Variants in ADAT3 observed in about 807,000 individuals in gnomAD.
The protein encoded by ADAT3 is tRNA-specific adenosine-34 deaminase regulatory subunit ADAT3.
ADAT3 carries 2 observed loss-of-function variants against 3.5 expected under a neutral mutation model. The observed-to-expected ratio is 0.57, with a 90% CI of 0.23 to 1.79. ADAT3 has a LOEUF of 1.79. Among genes scored for constraint, ADAT3 ranks in the 40% most tolerant of loss-of-function variants. ADAT3 has a pLI of 0.18. For missense variants in ADAT3, 735 were observed against 571.4 expected (o/e 1.29, Z -2.92); for synonymous variants, 358 against 270.3 (o/e 1.32, Z -3.18).
In ADAT3 at chr19:1,913,232, C is replaced by T. The variant is rs1019498543; in HGVS notation, c.*81C>T. The T allele has an allele frequency of 6.9e-6, 10 of 1,447,420 alleles. No individual in the cohort carries two copies. Among genetic ancestry groups the T allele is most frequent in the African/African-American group, 2.9e-5 (2 of 69,722 alleles). 89.7% of individuals were successfully genotyped at this position (1,447,420 alleles called of 1,614,324 possible). A position where few individuals can be genotyped will look rare whatever the true frequency, so the allele number is the denominator to read the frequency against. ...TGGACTTCCGGGCCTCGATTTCTTCCGCACAAGCCTGACCGTGGATTTCAG... is the reference window on the plus strand; with the variant it reads ...TGGACTTCCGGGCCTCGATTTCTTCTGCACAAGCCTGACCGTGGATTTCAG... On this transcript the variant is annotated 3_prime_UTR_variant, in exon 2 of 2. Coordinates refer to ENST00000329478, the MANE Select transcript of ADAT3 (RefSeq NM_138422.4).
Position 1,912,339 on chromosome 19 carries a change from C to G in ADAT3, c.292C>G (p.Arg98Gly), listed in dbSNP as rs774805201. 1.6e-4 allele frequency: 245 copies of G among 1,534,780 alleles called. 1 individual carries two copies. The highest frequency in any genetic ancestry group is 2.0e-4 in the Non-Finnish European group (233 of 1,148,612). The change falls in exon 2 of 2, where the codon CGC (arginine) becomes GGC (glycine). Residue 98 changes from arginine to glycine, a missense_variant. Transcript: ENST00000329478. The stretch of plus-strand genomic sequence containing the variant: ...TCACCTCAAGCGGGTGCGGCCCAGC[C>G]GCGATGCCGGCAGCCCCCACGCCCT... ...QPHLKRVRPS[R>G]DAGSPHALEM...
chr19:1,912,944 C>T lies in ADAT3; in HGVS notation c.897C>T (p.Asp299=), dbSNP rs757728126. The T allele has an allele frequency of 1.2e-6, 2 of 1,610,434 alleles. No homozygotes were observed. The highest frequency in any genetic ancestry group is 4.5e-5 in the East Asian group (2 of 44,840). The change falls in exon 2 of 2, where the codon GAC becomes GAT. Residue 299 remains aspartate (D), a synonymous_variant. Transcript: ENST00000329478. The part of the protein sequence containing the change: ...DGLPYLCTGY[D]LYVTREPCAM... ...TCCCCTACCTGTGCACTGGCTACGA[C>T]CTGTACGTGACCCGCGAGCCCTGCG...
chr19:1,905,552 A>C, intron 1 of ADAT3, 113 bp downstream of exon 1: 1 of 310,348 alleles, frequency 3.2e-6, no homozygotes. Context: ...GTTTGTGGGG[A>C]GAAAACGGGG....
At chr19:1,907,755 G>T (rs1206154529) in intron 1 of ADAT3, among the ~76,000 whole-genome samples, 1 of 152,182 alleles carries the variant, frequency 6.6e-6, no homozygotes, top group Non-Finnish European at 1.5e-5. Flanking sequence ...AGGGGTCCCA[G>T]TGGTCGGTCG....
At chr19:1,909,900 G>C (rs1364604468) in intron 1 of ADAT3, among the ~76,000 whole-genome samples, 1 of 152,238 alleles carries the variant, frequency 6.6e-6, no homozygotes, top group Non-Finnish European at 1.5e-5. Flanking sequence ...CGGGGCTTAC[G>C]TTTCGTGGCT....
rs1169526352 is a variant in ADAT3, at chr19:1,905,445, C to T, written c.-159+6C>T. The T allele has an allele frequency of 6.5e-6, 3 of 460,920 alleles. No individual in the cohort carries two copies. The highest frequency in any genetic ancestry group is 1.6e-5 in the South Asian group (1 of 63,010). The allele number at this position is 460,920 out of a possible 1,614,324, so 28.6% of individuals were successfully genotyped here. A position where few individuals can be genotyped will look rare whatever the true frequency, so the allele number is the denominator to read the frequency against. On this transcript the variant is annotated splice_donor_region_variant and intron_variant, in intron 1 of 1. Transcript: ENST00000329478. Reference sequence around the variant, plus strand: ...CTCGCGCCCGGATCCCTCAGGTAAGCGCGCGGCCCCGAGGTCTCGGGTTCT... The same window carrying T: ...CTCGCGCCCGGATCCCTCAGGTAAGTGCGCGGCCCCGAGGTCTCGGGTTCT...
In ADAT3 at chr19:1,905,616, GGCGGCGCGAATGCGCGTGCGCGCGCGCGC is replaced by G. The variant is rs535899941; in HGVS notation, c.-159+185_-159+213del. 9.2e-4 allele frequency: 151 copies of G among 164,854 alleles called. 1 individual carries two copies. The highest frequency in any genetic ancestry group is 3.6e-3 in the African/African-American group (148 of 41,336). 10.2% of individuals were successfully genotyped at this position (164,854 alleles called of 1,614,324 possible). On this transcript the variant is annotated intron_variant, in intron 1 of 1. Transcript: ENST00000329478. ...GGCGGGCCGGTGGGCGACGCGGGGA[GGCGGCGCGAATGCGCGTGCGCGCGCGCGC>G]GCGGCGCTGGCCTGGGGGAAGCCTC...
intron 1 of ADAT3, among the ~76,000 whole-genome samples, chr19:1,910,016 G>A (rs1800828587): frequency 2.0e-5 from 3 of 152,212 alleles, no homozygotes; most frequent in Non-Finnish European, 2.9e-5. Flanking sequence ...GCTGTGTGCT[G>A]TTCTGGGAGG....
chr19:1,907,800 C>T (rs1039434663), intron 1 of ADAT3, among the ~76,000 whole-genome samples: 11 of 152,222 alleles, frequency 7.2e-5, no homozygotes, highest in African/African-American at 2.6e-4. Context: ...GAGGGAGGGT[C>T]AGGTGGCCCC....
intron 1 of ADAT3, 188 bp downstream of exon 1, chr19:1,905,627 T>TGCGCGTGCGC (rs2013065372): frequency 6.2e-6 from 1 of 161,110 alleles, no homozygotes; most frequent in Admixed American, 6.6e-5. Context: ...GCGGCGCGAA[T>TGCGCGTGCGC]GCGCGTGCGC....
In ADAT3 at chr19:1,908,950, C is replaced by A. The variant is rs1270584893; in HGVS notation, c.-158-2940C>A. ...TGGAACCCCGTCTCTACTGAAAATA[C>A]AAAAATTAGCCGGGCGTGGTGGCAT... is the stretch of plus-strand genomic sequence containing the variant. On this transcript the variant is annotated intron_variant, in intron 1 of 1. Transcript: ENST00000329478. This position sits in a 1 kb window ranked among gnomAD's most constrained non-coding sequence, Gnocchi z 4.2. Among the ~76,000 whole-genome samples the A allele has an allele frequency of 1.3e-5, 2 of 151,978 alleles. No individual in the cohort carries two copies. Among genetic ancestry groups the A allele is most frequent in the Non-Finnish European group, 2.9e-5 (2 of 68,014 alleles).
Position 1,912,849 on chromosome 19 carries a change from G to A in ADAT3, c.802G>A (p.Ala268Thr), listed in dbSNP as rs758520906. The A allele has an allele frequency of 2.9e-5, 46 of 1,595,822 alleles. No individual in the cohort carries two copies. Among genetic ancestry groups the A allele is most frequent in the East Asian group, 4.5e-5 (2 of 44,598 alleles). ...DFRPFPACSF[A>T]PAAAPQAVRA... ...CAGACCCTTCCCCGCCTGCTCCTTC[G>A]CCCCGGCCGCTGCCCCCCAGGCCGT... The change falls in exon 2 of 2, where the codon GCC becomes ACC. Residue 268 changes from alanine (A) to threonine (T), a missense_variant. Physicochemically the swap from Ala to Thr is moderately conservative, Grantham distance 58. Transcript: ENST00000329478.
At position 1,912,490 on chromosome 19, in the gene ADAT3, C is replaced by T; in HGVS notation, c.443C>T (p.Pro148Leu). The change falls in exon 2 of 2, where the codon CCG becomes CTG. Residue 148 changes from proline (P) to leucine (L), a missense_variant. Pro to Leu is a moderately conservative substitution (Grantham distance 98). Coordinates refer to ENST00000329478, the MANE Select transcript of ADAT3 (RefSeq NM_138422.4). ...TTCCTGGTGCCCGTGCCCGCCCGGC[C>T]GCCTCTGACCAGGGGCCAGTTCGAG... is the stretch of plus-strand genomic sequence containing the variant. ...QPFLVPVPAR[P>L]PLTRGQFEEA... The T allele has an allele frequency of 2.0e-6, 3 of 1,497,390 alleles. No homozygotes were observed. The highest frequency in any genetic ancestry group is 1.3e-5 in the South Asian group (1 of 79,982). 92.8% of individuals were successfully genotyped at this position (1,497,390 alleles called of 1,614,324 possible).
rs764783105 is a variant in ADAT3, at chr19:1,913,185, C to A, written c.*34C>A. On this transcript the variant is annotated 3_prime_UTR_variant, in exon 2 of 2. Coordinates refer to ENST00000329478, the MANE Select transcript of ADAT3 (RefSeq NM_138422.4). ...CTCCTGCCTCCGGACCCTTCCCGCTCCCGGCCGTGGGGCGCCCCTCCTGGA... is the reference window on the plus strand; with the variant it reads ...CTCCTGCCTCCGGACCCTTCCCGCTACCGGCCGTGGGGCGCCCCTCCTGGA... The A allele has an allele frequency of 1.1e-5, 16 of 1,477,364 alleles. No homozygotes were observed. Among genetic ancestry groups the A allele is most frequent in the Non-Finnish European group, 1.4e-5 (16 of 1,114,488 alleles). The allele number at this position is 1,477,364 out of a possible 1,614,324, so 91.5% of individuals were successfully genotyped here.
At chr19:1,907,841 G>A (rs1010385824) in intron 1 of ADAT3, among the ~76,000 whole-genome samples, 2 of 152,148 alleles carry the variant, frequency 1.3e-5, no homozygotes, top group African/African-American at 4.8e-5. Context: ...CTGTGGGAGT[G>A]AGTCGTCCCC....
chr19:1,905,637 C>T (rs1263617581), intron 1 of ADAT3, 198 bp downstream of exon 1: 1 of 158,690 alleles, frequency 6.3e-6, no homozygotes, highest in Non-Finnish European at 1.4e-5. Context: ...TGCGCGTGCG[C>T]GCGCGCGCGC....
At chr19:1,909,627 C>T (rs940134956) in intron 1 of ADAT3, among the ~76,000 whole-genome samples, 2 of 152,016 alleles carry the variant, frequency 1.3e-5, no homozygotes, top group African/African-American at 4.8e-5. Flanking sequence ...GGGATGGTAA[C>T]AGTGCTGGTG....
Position 1,912,130 on chromosome 19 carries a change from A to G in ADAT3, c.83A>G (p.Lys28Arg), listed in dbSNP as rs1451602977. The G allele has an allele frequency of 1.3e-6, 2 of 1,554,132 alleles. No homozygotes were observed. Among genetic ancestry groups the G allele is most frequent in the Non-Finnish European group, 1.7e-6 (2 of 1,155,358 alleles). The stretch of plus-strand genomic sequence containing the variant: ...GCCCCGGGCCTCGTGGAGCAGCCCA[A>G]GTGCTTGGAGGCCGGGAGCCCGGAG... The part of the protein sequence containing the change: ...EPAPGLVEQP[K>R]CLEAGSPEPE... The change falls in exon 2 of 2, where the codon AAG (lysine) becomes AGG (arginine). Residue 28 changes from lysine to arginine, a missense_variant. Lys to Arg is a conservative substitution (Grantham distance 26). Transcript: ENST00000329478.
Position 1,909,317 on chromosome 19 carries a change from G to C in ADAT3, c.-158-2573G>C, listed in dbSNP as rs144508099. Among the ~76,000 whole-genome samples, 111 of 152,280 alleles carry C rather than the reference G, an allele frequency of 7.3e-4. No homozygotes were observed. In the Middle Eastern group the frequency reaches 0.014, roughly 19 times the overall value. Reference sequence around the variant, plus strand: ...TGTGAGCAGTCCCTGCAGGCTGGCTGTCCCCACGCCTGCCTCTCTGCTGTG... The same window carrying C: ...TGTGAGCAGTCCCTGCAGGCTGGCTCTCCCCACGCCTGCCTCTCTGCTGTG... On this transcript the variant is annotated intron_variant, in intron 1 of 1. Transcript: ENST00000329478.
Sources: gnomAD v4.1 joint callset for allele counts (sites outside exome capture counted in the v4.1 genomes callset) on GRCh38, gnomAD v4.1.1 for gene constraint, Gnocchi (gnomAD v3.1) non-coding constraint, MANE v1.5 for transcripts, NCBI Gene and HGNC (gene_info 2026-07-23, HGNC 2026-07-21) for gene names.